CNBD1: variants seen among roughly 807,000 people sequenced by gnomAD.
The protein encoded by CNBD1 is cyclic nucleotide binding domain containing 1.
Under a neutral mutation model 54.4 loss-of-function variants are expected in CNBD1, and 71 were observed. The ratio of observed to expected loss-of-function variants is 1.30; its 90% CI spans 1.08 to 1.59. The LOEUF is 1.59. Ranked by LOEUF, CNBD1 falls within the 40% of genes most tolerant of loss-of-function variation. The pLI is 0.00. For synonymous variants in CNBD1, 182 were observed against 170.7 expected, an observed-to-expected ratio of 1.07 and a Z score of -0.51; for missense variants, 659 against 518.0, an observed-to-expected ratio of 1.27 and a Z score of -2.64.
chr8:87,036,594 T>TAAAAA lies in CNBD1; in HGVS notation c.431+96861_431+96865dup, dbSNP rs58299323. Among the ~76,000 whole-genome samples, 148 of 64,738 alleles carry TAAAAA rather than the reference T, an allele frequency of 2.3e-3. 6 individuals carry two copies. The highest frequency in any genetic ancestry group is 8.5e-3 in the African/African-American group (142 of 16,752). 42.5% of individuals were successfully genotyped at this position (64,738 alleles called of 152,430 possible). A position where few individuals can be genotyped will look rare whatever the true frequency, so the allele number is the denominator to read the frequency against. ...GGGCGACAGAGCGAGACTGCATCTC[T>TAAAAA]AAAAAAAAAAAAAAAAAAAAAAAAA... On this transcript the variant is annotated intron_variant, in intron 4 of 10. Coordinates refer to ENST00000518476, the MANE Select transcript of CNBD1 (RefSeq NM_173538.3).
intron 4 of CNBD1, among the ~76,000 whole-genome samples, chr8:86,975,977 G>T (rs928345448): frequency 5.9e-5 from 9 of 151,672 alleles, no homozygotes; most frequent in Admixed American, 1.3e-4. Context: ...TTTTCTGATG[G>T]TTAGTAATGC....
At chr8:87,376,186 G>T (rs1810928859) in intron 10 of CNBD1, among the ~76,000 whole-genome samples, 1 of 151,868 alleles carries the variant, frequency 6.6e-6, no homozygotes, top group South Asian at 2.1e-4. Context: ...TGGGCTGGGT[G>T]GCTTAAACAA....
At chr8:87,393,619 C>A (rs1198997237) in intron 2 of CNBD1, among the ~76,000 whole-genome samples, 2 of 151,648 alleles carry the variant, frequency 1.3e-5, no homozygotes, top group Non-Finnish European at 2.9e-5. Flanking sequence ...AAGTGACAAC[C>A]AAATGATAGA....
chr8:87,114,723 G>A (rs184509950), intron 4 of CNBD1, among the ~76,000 whole-genome samples: 33 of 152,236 alleles, frequency 2.2e-4, no homozygotes, highest in Middle Eastern at 3.4e-3. Context: ...TGCAAGTACC[G>A]TGTCTGCTGT....
chr8:86,866,574 A>C lies in CNBD1; in HGVS notation c.79A>C (p.Ser27Arg). 1 of 1,604,016 alleles carries C rather than the reference A, an allele frequency of 6.2e-7. No homozygotes were observed. The highest frequency in any genetic ancestry group is 8.5e-7 in the Non-Finnish European group (1 of 1,173,110). The change falls in exon 1 of 11, where the codon AGT (serine) becomes CGT (arginine). Residue 27 changes from serine (S) to arginine (R), a missense_variant. Coordinates refer to ENST00000518476, the MANE Select transcript of CNBD1 (RefSeq NM_173538.3). ...CAATGTGCCTCCTCCTCCACTTCAC[A>C]GTATACCAAGTGAGTGGGAAATACT... ...INNVPPPPLHSIPNLKKSKHI... is the reference protein window; with the variant it reads ...INNVPPPPLHRIPNLKKSKHI...
At chr8:87,316,336 T>C (rs1286484786) in intron 8 of CNBD1, among the ~76,000 whole-genome samples, 1 of 151,986 alleles carries the variant, frequency 6.6e-6, no homozygotes, top group Non-Finnish European at 1.5e-5. Context: ...ATTTAACTTA[T>C]AATTTTGAAA....
Position 87,289,777 on chromosome 8 carries a change from T to G in CNBD1, c.1042+3106T>G, listed in dbSNP as rs192416922. Among the ~76,000 whole-genome samples, 4 of 152,218 alleles carry G rather than the reference T, an allele frequency of 2.6e-5. No individual in the cohort carries two copies. The East Asian group carries it at 7.7e-4, about 29-fold the overall frequency. On this transcript the variant is annotated intron_variant, in intron 8 of 10. Transcript: ENST00000518476. Reference sequence around the variant, plus strand: ...AGTCACAAAATACATAGGCTCTACATCCCTTCAATTTTTTGACATCAATCT... The same window carrying G: ...AGTCACAAAATACATAGGCTCTACAGCCCTTCAATTTTTTGACATCAATCT...
chr8:87,318,344 A>G (rs918214041), intron 8 of CNBD1, among the ~76,000 whole-genome samples: 1 of 152,044 alleles, frequency 6.6e-6, no homozygotes, highest in Non-Finnish European at 1.5e-5. Flanking sequence ...GTTCTGAGAC[A>G]CTGTTAAGTA....
intron 3 of CNBD1, among the ~76,000 whole-genome samples, chr8:86,937,036 A>C (rs1296747571): frequency 1.3e-5 from 2 of 152,190 alleles, no homozygotes; most frequent in East Asian, 3.9e-4. Flanking sequence ...CACACTGCTA[A>C]TAAAGATATA....
chr8:87,211,696 G>T (rs1177786415), intron 5 of CNBD1, among the ~76,000 whole-genome samples: 2 of 152,200 alleles, frequency 1.3e-5, no homozygotes, highest in Middle Eastern at 3.4e-3. Context: ...AAATCTCCTT[G>T]AGGCTTCCTC....
chr8:86,870,920 C>T (rs981335794), intron 1 of CNBD1, among the ~76,000 whole-genome samples: 1 of 152,162 alleles, frequency 6.6e-6, no homozygotes, highest in East Asian at 1.9e-4. Context: ...CAATGATAGT[C>T]CCAATGGAAT....
intron 4 of CNBD1, among the ~76,000 whole-genome samples, chr8:87,057,354 A>T (rs747998397): frequency 1.3e-5 from 2 of 152,204 alleles, no homozygotes; most frequent in South Asian, 2.1e-4. Flanking sequence ...TAATAAAACC[A>T]TCAGATCTTG....
chr8:87,378,720 A>T (rs1257810262), intron 10 of CNBD1, among the ~76,000 whole-genome samples: 1 of 151,144 alleles, frequency 6.6e-6, no homozygotes, highest in Non-Finnish European at 1.5e-5. Context: ...TGGAGATGGC[A>T]TTGAATCTGT....
chr8:87,344,476 T>C (rs1052465072), intron 8 of CNBD1, among the ~76,000 whole-genome samples: 14 of 152,216 alleles, frequency 9.2e-5, no homozygotes, highest in South Asian at 2.1e-4. Flanking sequence ...ACTGTCACTA[T>C]TGTGTACAGA....
At position 87,202,259 on chromosome 8, in the gene CNBD1, T is replaced by G. The variant is rs578246844; in HGVS notation, c.432-3734T>G. On this transcript the variant is annotated intron_variant, in intron 4 of 10. Transcript: ENST00000518476. ...TGGGGAGCAATAGATAAGTCCATAATAGCAATATTAATCCAAATACCTCAG... is the reference window on the plus strand; with the variant it reads ...TGGGGAGCAATAGATAAGTCCATAAGAGCAATATTAATCCAAATACCTCAG... Among the ~76,000 whole-genome samples, 170 of 152,246 alleles carry G rather than the reference T, an allele frequency of 1.1e-3. 1 individual carries two copies. The highest frequency in any genetic ancestry group is 3.9e-3 in the African/African-American group (163 of 41,540).
chr8:87,093,740 G>C (rs1811263285), intron 4 of CNBD1, among the ~76,000 whole-genome samples: 1 of 152,010 alleles, frequency 6.6e-6, no homozygotes, highest in Non-Finnish European at 1.5e-5. Context: ...ATATCCTAGA[G>C]ATCTCTCAGG....
intron 4 of CNBD1, among the ~76,000 whole-genome samples, chr8:87,071,456 C>T (rs1455365760): frequency 6.6e-6 from 1 of 151,946 alleles, no homozygotes; most frequent in Non-Finnish European, 1.5e-5. Context: ...TCAAACATAC[C>T]CACACAAAAA....
intron 2 of CNBD1, among the ~76,000 whole-genome samples, chr8:86,890,324 C>T (rs1563812039): frequency 6.6e-6 from 1 of 152,190 alleles, no homozygotes; most frequent in South Asian, 2.1e-4. Flanking sequence ...GATTCCACCT[C>T]TATGTGAGAT....
intron 3 of CNBD1, among the ~76,000 whole-genome samples, chr8:86,933,695 A>T (rs1178325391): frequency 1.3e-5 from 2 of 152,038 alleles, no homozygotes; most frequent in Non-Finnish European, 2.9e-5. Context: ...ATTTTTAAAA[A>T]CCTGGGTGGG....
Sources: allele counts gnomAD v4.1 joint callset (sites outside exome capture counted in the v4.1 genomes callset), GRCh38; gene constraint gnomAD v4.1.1; transcripts MANE v1.5; gene names NCBI Gene and HGNC (gene_info 2026-07-23, HGNC 2026-07-21).